EXOC6: variants seen among roughly 807,000 people sequenced by gnomAD.
The protein encoded by EXOC6 is exocyst complex component 6.
A neutral mutation model predicts 112.5 loss-of-function variants in EXOC6; 60 were observed. That is an observed-to-expected ratio of 0.53 (90% CI 0.43 to 0.66). The LOEUF (loss-of-function observed/expected upper bound fraction) is 0.66. Among genes scored for constraint, EXOC6 ranks in the 30% least tolerant of loss-of-function variants. EXOC6 has a pLI of 0.00. For synonymous variants in EXOC6, 295 were observed against 308.0 expected (o/e 0.96, Z 0.44); for missense variants, 855 against 957.1 (o/e 0.89, Z 1.41).
intron 1 of EXOC6, among the ~76,000 whole-genome samples, chr10:92,854,435 C>CAA (rs888415320): frequency 2.7e-5 from 3 of 112,124 alleles, no homozygotes; most frequent in Non-Finnish European, 5.7e-5. Flanking sequence ...GACTCCATCT[C>CAA]AAAAAAAAAA....
chr10:92,845,502 A>G (rs1163169695), upstream of EXOC6, among the ~76,000 whole-genome samples: 4 of 150,786 alleles, frequency 2.7e-5, no homozygotes, highest in East Asian at 7.8e-4. Flanking sequence ...GCAGTGAGCC[A>G]AGATCGCACC....
chr10:93,052,642 A>G (rs1432975939), intron 20 of EXOC6, among the ~76,000 whole-genome samples: 1 of 152,244 alleles, frequency 6.6e-6, no homozygotes, highest in East Asian at 1.9e-4. Context: ...ACTCAAGCAC[A>G]TGATTTTGCC....
intron 20 of EXOC6, among the ~76,000 whole-genome samples, chr10:93,020,315 G>A (rs1564916169): frequency 6.6e-6 from 1 of 151,982 alleles, no homozygotes; most frequent in Non-Finnish European, 1.5e-5. Context: ...AATCACCAGA[G>A]CAACTTACAT....
At chr10:93,019,429 A>G (rs1032530661) in intron 20 of EXOC6, among the ~76,000 whole-genome samples, 1 of 152,238 alleles carries the variant, frequency 6.6e-6, no homozygotes, top group Non-Finnish European at 1.5e-5. Flanking sequence ...CAAAACATTT[A>G]CTTTTCTCTC....
At chr10:92,992,287 CAAA>C (rs35924745) in intron 18 of EXOC6, among the ~76,000 whole-genome samples, 13 of 74,206 alleles carry the variant, frequency 1.8e-4, no homozygotes, top group African/African-American at 6.4e-4. Context: ...GACTCTGTCT[CAAA>C]AAAAAAAAAA....
intron 20 of EXOC6, among the ~76,000 whole-genome samples, chr10:93,043,262 A>G (rs1332471255): frequency 1.3e-5 from 2 of 152,146 alleles, no homozygotes; most frequent in Non-Finnish European, 2.9e-5. Flanking sequence ...ATGCTGACTC[A>G]TGTTAAGTTG....
chr10:92,883,265 T>C (rs1849051660), intron 1 of EXOC6, among the ~76,000 whole-genome samples: 1 of 152,202 alleles, frequency 6.6e-6, no homozygotes, highest in Admixed American at 6.5e-5. Context: ...TGACAGCAAG[T>C]GATGTGTATT....
chr10:92,854,443 A>T (rs565374599), intron 1 of EXOC6, among the ~76,000 whole-genome samples: 1 of 152,178 alleles, frequency 6.6e-6, no homozygotes, highest in Non-Finnish European at 1.5e-5. Context: ...CTCAAAAAAA[A>T]AAAAAAGACT....
At chr10:92,865,367 C>A (rs889326891) in intron 1 of EXOC6, among the ~76,000 whole-genome samples, 2 of 152,018 alleles carry the variant, frequency 1.3e-5, no homozygotes, top group African/African-American at 4.8e-5. Context: ...AACCCCGTCT[C>A]TACTAAAAAA....
chr10:93,022,408 A>C (rs1041794078), intron 20 of EXOC6, among the ~76,000 whole-genome samples: 2 of 152,190 alleles, frequency 1.3e-5, no homozygotes, highest in Non-Finnish European at 2.9e-5. Context: ...GGATCAGTGG[A>C]TAGAAAATTT....
At chr10:92,940,895 T>C in intron 13 of EXOC6, 71 bp downstream of exon 13, 10 of 956,694 alleles carry the variant, frequency 1.0e-5, no homozygotes, top group Non-Finnish European at 4.9e-6. Flanking sequence ...CATTTGCATA[T>C]ATTAATAAAA....
At chr10:92,930,909 C>T (rs536763183) in intron 9 of EXOC6, among the ~76,000 whole-genome samples, 4 of 151,980 alleles carry the variant, frequency 2.6e-5, no homozygotes, top group East Asian at 1.9e-4. Context: ...GTCAAGAGAT[C>T]GAGAGCATCC....
At chr10:92,877,864 A>G (rs1176073421) in intron 1 of EXOC6, among the ~76,000 whole-genome samples, 1 of 152,230 alleles carries the variant, frequency 6.6e-6, no homozygotes, top group African/African-American at 2.4e-5. Context: ...GGAAAAGGAT[A>G]TGTCTTTAGG....
chr10:92,858,759 C>A (rs1847750810), intron 1 of EXOC6, among the ~76,000 whole-genome samples: 1 of 151,992 alleles, frequency 6.6e-6, no homozygotes, highest in South Asian at 2.1e-4. Context: ...GTTTCTATTG[C>A]CTATTTCTTT....
intron 20 of EXOC6, among the ~76,000 whole-genome samples, chr10:93,043,224 C>T (rs554085139): frequency 8.5e-5 from 13 of 152,254 alleles, no homozygotes; most frequent in African/African-American, 2.4e-4. Flanking sequence ...CCTGAGCCAC[C>T]GCGCCCAGCT....
chr10:92,866,138 A>G (rs956562879), intron 1 of EXOC6, among the ~76,000 whole-genome samples: 1 of 152,202 alleles, frequency 6.6e-6, no homozygotes, highest in African/African-American at 2.4e-5. Flanking sequence ...ACACAATTGT[A>G]TTATATTTCT....
chr10:92,968,868 T>A lies in EXOC6; in HGVS notation c.1774-5185T>A, dbSNP rs542861154. Among the ~76,000 whole-genome samples the A allele has an allele frequency of 2.6e-5, 4 of 152,310 alleles. No homozygotes were observed. The East Asian group carries it at 7.7e-4, about 29-fold the overall frequency. On this transcript the variant is annotated intron_variant, in intron 17 of 21. Coordinates refer to ENST00000260762, the MANE Select transcript of EXOC6 (RefSeq NM_019053.6). Reference sequence around the variant, plus strand: ...AGTGAAATAGTGGGAATCAGACACCTTCCCATTTTCCCAAAACCGTTTTGT... The same window carrying A: ...AGTGAAATAGTGGGAATCAGACACCATCCCATTTTCCCAAAACCGTTTTGT...
At chr10:92,984,882 C>T (rs559883889) in intron 18 of EXOC6, among the ~76,000 whole-genome samples, 1 of 151,968 alleles carries the variant, frequency 6.6e-6, no homozygotes, top group Non-Finnish European at 1.5e-5. Flanking sequence ...ACCTGTAGTC[C>T]CAGCTACTTG....
At chr10:93,023,386 A>G (rs1255806457) in intron 20 of EXOC6, among the ~76,000 whole-genome samples, 2 of 152,226 alleles carry the variant, frequency 1.3e-5, no homozygotes, top group Non-Finnish European at 2.9e-5. Flanking sequence ...TTCTAAGGAA[A>G]AGGAAATAGC....
Sources: allele counts gnomAD v4.1 joint callset (sites outside exome capture counted in the v4.1 genomes callset), GRCh38; gene constraint gnomAD v4.1.1; transcripts MANE v1.5; gene names NCBI Gene and HGNC (gene_info 2026-07-23, HGNC 2026-07-21).